The following EPHB1 variants were observed in gnomAD, a reference collection of about 807,000 sequenced individuals.
The protein encoded by EPHB1 is EPH receptor B1, also known as ephrin type-B receptor 1.
Under a neutral mutation model 94.4 loss-of-function variants are expected in EPHB1, and 30 were observed. That is an observed-to-expected ratio of 0.32 (90% confidence interval 0.24 to 0.43). The LOEUF is 0.43. Ranked by LOEUF, EPHB1 falls within the 20% of genes least tolerant of loss-of-function variation. The pLI is 1.00. For missense variants in EPHB1, 1,055 were observed against 1,308.3 expected (o/e 0.81, Z 2.99); for synonymous variants, 522 against 489.1 (o/e 1.07, Z -0.89).
chr3:135,011,866 C>T (rs1047360162), intron 3 of EPHB1, among the ~76,000 whole-genome samples: 2 of 152,156 alleles, frequency 1.3e-5, no homozygotes, highest in Admixed American at 6.5e-5. Context: ...TCTTTATTTT[C>T]GTGAAGATTG....
At chr3:134,904,396 G>A (rs112641595) in intron 1 of EPHB1, among the ~76,000 whole-genome samples, 3 of 152,174 alleles carry the variant, frequency 2.0e-5, no homozygotes, top group African/African-American at 4.8e-5. Flanking sequence ...CTGAGGCAGC[G>A]TGTGAAAGCA....
In EPHB1 at chr3:135,260,467, A is replaced by G; in HGVS notation, c.*1347A>G. ...AGAAGCATGTCTGGGTTTACGTAAAATGGTGTCAGAGTGTGTATCCCTGGA... is the reference window on the plus strand; with the variant it reads ...AGAAGCATGTCTGGGTTTACGTAAAGTGGTGTCAGAGTGTGTATCCCTGGA... On this transcript the variant is annotated 3_prime_UTR_variant, in exon 16 of 16. Transcript: ENST00000398015. The G allele has an allele frequency of 4.6e-6, 1 of 215,716 alleles. No individual in the cohort carries two copies. Among genetic ancestry groups the G allele is most frequent in the Non-Finnish European group, 9.4e-6 (1 of 106,758 alleles). 13.4% of individuals were successfully genotyped at this position (215,716 alleles called of 1,614,324 possible). A position where few individuals can be genotyped will look rare whatever the true frequency, so the allele number is the denominator to read the frequency against.
At chr3:135,224,267 C>T (rs945177741) in intron 12 of EPHB1, among the ~76,000 whole-genome samples, 1 of 152,188 alleles carries the variant, frequency 6.6e-6, no homozygotes, top group Admixed American at 6.5e-5. Context: ...TGGATTTCCA[C>T]TGATTTTCTT....
At chr3:135,178,194 C>A (rs564794064) in intron 9 of EPHB1, among the ~76,000 whole-genome samples, 2 of 144,028 alleles carry the variant, frequency 1.4e-5, no homozygotes, top group African/African-American at 5.4e-5. Context: ...TGACTCACAC[C>A]TGTAATCCCA....
At chr3:135,038,422 AAG>A (rs1306454339) in intron 3 of EPHB1, among the ~76,000 whole-genome samples, 1 of 152,138 alleles carries the variant, frequency 6.6e-6, no homozygotes, top group Non-Finnish European at 1.5e-5. Flanking sequence ...GCTCCTCTGC[AAG>A]AGGGGAGTAC....
rs144224683 is a variant in EPHB1, at chr3:135,075,078, G to A, written c.806-31370G>A. Among the ~76,000 whole-genome samples the A allele has an allele frequency of 7.8e-3, 1,195 of 152,294 alleles. 14 individuals are homozygous for A. The highest frequency in any genetic ancestry group is 0.027 in the African/African-American group (1,122 of 41,552). The stretch of plus-strand genomic sequence containing the variant: ...GAAAGATTTCTGGGATTCTCTGGTA[G>A]TATCCAAAGGAGGAAAGACTAGGTG... On this transcript the variant is annotated intron_variant, in intron 3 of 15. Coordinates refer to ENST00000398015, the MANE Select transcript of EPHB1 (RefSeq NM_004441.5).
intron 4 of EPHB1, among the ~76,000 whole-genome samples, chr3:135,125,997 C>T (rs1940176814): frequency 1.3e-5 from 2 of 152,224 alleles, no homozygotes; most frequent in South Asian, 4.2e-4. Context: ...GTCACAATAA[C>T]CAATGGAGAA....
chr3:134,911,261 C>G (rs1288090271), intron 1 of EPHB1, among the ~76,000 whole-genome samples: 3 of 152,196 alleles, frequency 2.0e-5, no homozygotes, highest in Non-Finnish European at 2.9e-5. Context: ...TGGCACTATT[C>G]TCTCAGAGCC....
chr3:135,022,164 G>A (rs957354178), intron 3 of EPHB1, among the ~76,000 whole-genome samples: 1 of 152,050 alleles, frequency 6.6e-6, no homozygotes, highest in Non-Finnish European at 1.5e-5. Context: ...TATTGACGAG[G>A]TTTCACCATG....
At chr3:134,884,411 A>G (rs1018100994) in intron 1 of EPHB1, among the ~76,000 whole-genome samples, 1 of 152,240 alleles carries the variant, frequency 6.6e-6, no homozygotes, top group African/African-American at 2.4e-5. Context: ...ATAAATGAGT[A>G]CAACTTTCTT....
intron 15 of EPHB1, among the ~76,000 whole-genome samples, chr3:135,253,459 T>C (rs1933219719): frequency 1.3e-5 from 2 of 151,192 alleles, no homozygotes; most frequent in Non-Finnish European, 1.5e-5. Context: ...GCACCATTTA[T>C]TAAATAGGGA....
chr3:134,906,510 A>G (rs192048955), intron 1 of EPHB1, among the ~76,000 whole-genome samples: 2 of 152,330 alleles, frequency 1.3e-5, no homozygotes, highest in East Asian at 3.9e-4. Flanking sequence ...AGTTTTAAAT[A>G]TCACTGATCA....
At chr3:135,255,069 T>G (rs2107734529) in intron 15 of EPHB1, among the ~76,000 whole-genome samples, 1 of 152,314 alleles carries the variant, frequency 6.6e-6, no homozygotes, top group Admixed American at 6.5e-5. Context: ...GATATCCCCT[T>G]TATCATTTTT....
At chr3:134,983,242 C>G (rs1244325467) in intron 3 of EPHB1, among the ~76,000 whole-genome samples, 1 of 152,186 alleles carries the variant, frequency 6.6e-6, no homozygotes, top group Non-Finnish European at 1.5e-5. Flanking sequence ...GTGTGTATGT[C>G]TATGTGTGCA....
At chr3:134,814,880 C>A (rs2036240897) in intron 1 of EPHB1, among the ~76,000 whole-genome samples, 1 of 152,200 alleles carries the variant, frequency 6.6e-6, no homozygotes, top group South Asian at 2.1e-4. Context: ...GCCTTTGGGC[C>A]AGGGCTTGGG....
intron 3 of EPHB1, among the ~76,000 whole-genome samples, chr3:134,997,421 A>T (rs949266580): frequency 1.3e-5 from 2 of 152,168 alleles, no homozygotes; most frequent in Non-Finnish European, 2.9e-5. Flanking sequence ...ATTTTATTAC[A>T]CTATGTCTTT....
chr3:135,065,914 ATTTG>A (rs1328473515), intron 3 of EPHB1, among the ~76,000 whole-genome samples: 1 of 152,160 alleles, frequency 6.6e-6, no homozygotes, highest in Admixed American at 6.5e-5. Context: ...TTCTCTCAGC[ATTTG>A]TTTGTCTGAA....
intron 1 of EPHB1, among the ~76,000 whole-genome samples, chr3:134,798,830 TC>T (rs1461904292): frequency 6.6e-6 from 1 of 152,166 alleles, no homozygotes; most frequent in Admixed American, 6.5e-5. Context: ...ACATTGGCCC[TC>T]CTGGGAGGCA....
chr3:135,042,737 T>C (rs779591044), intron 3 of EPHB1, among the ~76,000 whole-genome samples: 5 of 152,260 alleles, frequency 3.3e-5, no homozygotes, highest in Non-Finnish European at 7.3e-5. Flanking sequence ...CCTTATTATC[T>C]GGTCTGTCCA....
Sources: gnomAD v4.1 joint callset for allele counts (sites outside exome capture counted in the v4.1 genomes callset) on GRCh38, gnomAD v4.1.1 for gene constraint, MANE v1.5 for transcripts, NCBI Gene and HGNC (gene_info 2026-07-23, HGNC 2026-07-21) for gene names.